The following SNX24 variants were observed in gnomAD, a reference collection of about 807,000 sequenced individuals.
SNX24 encodes the protein sorting nexin 24.
A neutral mutation model predicts 28.7 loss-of-function variants in SNX24; 22 were observed. The ratio of observed to expected loss-of-function variants is 0.77; its 90% confidence interval spans 0.55 to 1.10. The LOEUF (loss-of-function observed/expected upper bound fraction) is 1.10, where lower values mean the gene tolerates loss of function less well. SNX24 is among the 50% of genes least tolerant of loss of function. The pLI is 0.00. For missense variants in SNX24, 221 were observed against 201.1 expected, an observed-to-expected ratio of 1.10 and a Z score of -0.60; for synonymous variants, 69 against 71.5, an observed-to-expected ratio of 0.96 and a Z score of 0.18.
intron 1 of SNX24, among the ~76,000 whole-genome samples, chr5:122,915,655 C>T (rs1030749044): frequency 3.3e-5 from 5 of 152,012 alleles, no homozygotes; most frequent in Admixed American, 6.5e-5. Context: ...TTTCATAGTG[C>T]ACATCTGATC....
In SNX24 at chr5:122,946,696, A is replaced by T. The variant is rs561217664; in HGVS notation, c.249+537A>T. Among the ~76,000 whole-genome samples, 5 of 152,324 alleles carry T rather than the reference A, an allele frequency of 3.3e-5. No individual in the cohort carries two copies. In the East Asian group the frequency reaches 9.6e-4, roughly 29 times the overall value. ...ACTGGGACACTCTTTTCTGCAGCTG[A>T]GAGGAGCAAGCAGAGCTGCCTAAGT... On this transcript the variant is annotated intron_variant, in intron 3 of 6. Transcript: ENST00000261369.
At chr5:122,952,563 CG>C (rs1407412873) in intron 3 of SNX24, among the ~76,000 whole-genome samples, 3 of 152,104 alleles carry the variant, frequency 2.0e-5, no homozygotes, top group African/African-American at 7.2e-5. Flanking sequence ...CCAAGCCACC[CG>C]GGCTACTTTC....
chr5:123,002,805 G>A (rs892259252), intron 6 of SNX24, among the ~76,000 whole-genome samples: 1 of 152,180 alleles, frequency 6.6e-6, no homozygotes, highest in Non-Finnish European at 1.5e-5. Context: ...AAATTCATCA[G>A]AGTCCCTCTC....
intron 1 of SNX24, among the ~76,000 whole-genome samples, chr5:122,934,410 A>C (rs1561619930): frequency 6.6e-6 from 1 of 151,952 alleles, no homozygotes; most frequent in Non-Finnish European, 1.5e-5. Context: ...CCCAGGCTAG[A>C]GTTCAGTGGC....
intron 5 of SNX24, among the ~76,000 whole-genome samples, chr5:123,020,984 C>A (rs1333670516): frequency 1.3e-5 from 2 of 151,610 alleles, no homozygotes; most frequent in Non-Finnish European, 3.0e-5. Context: ...AACAGGACAG[C>A]CCTGCTCCCT....
intron 1 of SNX24, among the ~76,000 whole-genome samples, chr5:122,917,376 C>T (rs1758225292): frequency 6.6e-6 from 1 of 152,174 alleles, no homozygotes; most frequent in Admixed American, 6.5e-5. Flanking sequence ...TACTCTATCT[C>T]ATTTGACAAT....
chr5:122,872,180 GT>G (rs2150052625), intron 1 of SNX24, among the ~76,000 whole-genome samples: 1 of 150,518 alleles, frequency 6.6e-6, no homozygotes, highest in East Asian at 1.9e-4. Flanking sequence ...ACTGCTTTAA[GT>G]TTTTATAAAA....
At chr5:122,863,175 A>G (rs1337674740) in intron 1 of SNX24, among the ~76,000 whole-genome samples, 1 of 152,194 alleles carries the variant, frequency 6.6e-6, no homozygotes, top group African/African-American at 2.4e-5. Context: ...AGAAAAAGAA[A>G]GGAAGAGAGG....
intron 3 of SNX24, among the ~76,000 whole-genome samples, chr5:122,974,243 A>G (rs1347478316): frequency 6.6e-6 from 1 of 152,228 alleles, no homozygotes; most frequent in East Asian, 1.9e-4. Flanking sequence ...AGTCAGATTT[A>G]TTTCTCAACC....
At chr5:122,919,571 GTTTT>G (rs397999139) in intron 1 of SNX24, among the ~76,000 whole-genome samples, 2 of 143,724 alleles carry the variant, frequency 1.4e-5, no homozygotes, top group Admixed American at 7.0e-5. Context: ...AGTCATTTTA[GTTTT>G]TTTTTTTTGC....
rs1027138029 is a variant in SNX24 at position 122,933,460 on chromosome 5, A to G, written c.61-3274A>G. 3.3e-5 allele frequency among the ~76,000 whole-genome samples: 5 copies of G among 152,202 alleles called. No homozygotes were observed. In the South Asian group the frequency reaches 8.3e-4, roughly 25 times the overall value. On this transcript the variant is annotated intron_variant, in intron 1 of 6. Transcript: ENST00000261369. The stretch of plus-strand genomic sequence containing the variant: ...CCTTTCCTTAAACTCAGGGGATCAC[A>G]GGGCTCTGCCTGGGTGGGGTCCCCT...
At chr5:122,889,681 ATATATG>A (rs1475423249) in intron 1 of SNX24, among the ~76,000 whole-genome samples, 2 of 145,034 alleles carry the variant, frequency 1.4e-5, no homozygotes, top group African/African-American at 2.5e-5. Context: ...ATATGTGTAT[ATATATG>A]TATATGTATG....
chr5:122,925,933 G>T (rs1309761068), intron 1 of SNX24, among the ~76,000 whole-genome samples: 1 of 152,114 alleles, frequency 6.6e-6, no homozygotes, highest in African/African-American at 2.4e-5. Context: ...CTTATAATTT[G>T]TTAGACAAAC....
intron 3 of SNX24, among the ~76,000 whole-genome samples, chr5:122,948,920 A>G (rs1759811598): frequency 1.3e-5 from 2 of 152,228 alleles, no homozygotes; most frequent in South Asian, 4.1e-4. Flanking sequence ...CCTGATAATC[A>G]TAAACTATTA....
chr5:122,914,209 C>T (rs1161475707), intron 1 of SNX24, among the ~76,000 whole-genome samples: 2 of 152,172 alleles, frequency 1.3e-5, no homozygotes, highest in Admixed American at 6.5e-5. Flanking sequence ...TATTGATTTG[C>T]ATATATTGAA....
chr5:122,900,046 G>T (rs193106656), intron 1 of SNX24, among the ~76,000 whole-genome samples: 1 of 152,122 alleles, frequency 6.6e-6, no homozygotes, highest in East Asian at 1.9e-4. Context: ...TTGAGACAGG[G>T]TCTTGCTCTG....
chr5:123,018,187 C>T lies in SNX24; in HGVS notation n.384-11051C>T, dbSNP rs574149845. On this transcript the variant is annotated intron_variant and non_coding_transcript_variant, in intron 5 of 5. Coordinates refer to the SNX24 transcript ENST00000502387. ...GAGCACCTCACACAAGGCTTGGAGC[C>T]AATTCAGGAGTTCTGAAGTCTTTGT... Among the ~76,000 whole-genome samples the T allele has an allele frequency of 3.3e-5, 5 of 151,954 alleles. No homozygotes were observed. In the South Asian group the frequency reaches 1.0e-3, roughly 32 times the overall value.
chr5:122,916,404 T>C (rs1758167356), intron 1 of SNX24, among the ~76,000 whole-genome samples: 1 of 152,254 alleles, frequency 6.6e-6, no homozygotes, highest in Admixed American at 6.5e-5. Flanking sequence ...GGGGGCCTGC[T>C]TTGTTCTGTT....
At chr5:122,877,943 C>T (rs553028723) in intron 1 of SNX24, among the ~76,000 whole-genome samples, 42 of 152,124 alleles carry the variant, frequency 2.8e-4, no homozygotes, top group Admixed American at 5.9e-4. Context: ...CTACACATGC[C>T]GGATGTCCAC....
Sources: allele counts gnomAD v4.1 joint callset (sites outside exome capture counted in the v4.1 genomes callset), GRCh38; gene constraint gnomAD v4.1.1; transcripts MANE v1.5; gene names NCBI Gene and HGNC (gene_info 2026-07-23, HGNC 2026-07-21).